Variants in KCTD20 observed in about 807,000 individuals in gnomAD.
KCTD20 encodes the protein potassium channel tetramerization domain containing 20.
A neutral mutation model predicts 39.6 loss-of-function variants in KCTD20; 30 were observed. The observed-to-expected ratio is 0.76, with a 90% CI of 0.57 to 1.03. The LOEUF (loss-of-function observed/expected upper bound fraction) is 1.03. Among genes scored for constraint, KCTD20 ranks in the 50% least tolerant of loss-of-function variants. KCTD20 has a pLI of 0.00. For missense variants in KCTD20, 422 were observed against 522.0 expected (o/e 0.81, Z 1.87); for synonymous variants, 162 against 180.6 (o/e 0.90, Z 0.83).
At chr6:36,484,958 G>T in intron 7 of KCTD20, 134 bp downstream of exon 7, 1 of 598,882 alleles carries the variant, frequency 1.7e-6, no homozygotes, top group Non-Finnish European at 3.0e-6. Flanking sequence ...AAGTTTGAAT[G>T]TTCCTGTTTT....
chr6:36,445,800 T>C (rs1400673158), intron 1 of KCTD20, among the ~76,000 whole-genome samples: 1 of 152,112 alleles, frequency 6.6e-6, no homozygotes, highest in Non-Finnish European at 1.5e-5. Flanking sequence ...AGAGAAATTA[T>C]AAGTAGATGG....
rs1044976910 is a variant in KCTD20, at chr6:36,489,208, C to CAGCTTATG, written c.*2034_*2041dup. Reference sequence around the variant, plus strand: ...ATAACTATGTATAACTTCTGTTACACAGCTTATGTATTGTTAACATTTAAG... The same window carrying CAGCTTATG: ...ATAACTATGTATAACTTCTGTTACACAGCTTATGAGCTTATGTATTGTTAACATTTAAG... On this transcript the variant is annotated 3_prime_UTR_variant, in exon 8 of 8. Transcript: ENST00000373731. The CAGCTTATG allele has an allele frequency of 1.3e-5, 2 of 152,760 alleles. No individual in the cohort carries two copies. Among genetic ancestry groups the CAGCTTATG allele is most frequent in the African/African-American group, 4.8e-5 (2 of 41,574 alleles). The allele number at this position is 152,760 out of a possible 1,614,324, so 9.5% of individuals were successfully genotyped here. A position where few individuals can be genotyped will look rare whatever the true frequency, so the allele number is the denominator to read the frequency against.
At chr6:36,444,408 G>A (rs1003650553) in intron 1 of KCTD20, among the ~76,000 whole-genome samples, 1 of 152,196 alleles carries the variant, frequency 6.6e-6, no homozygotes, top group African/African-American at 2.4e-5. Flanking sequence ...ACACGGGGTA[G>A]GAAATGATTT....
chr6:36,481,131 G>A (rs1442439264), intron 5 of KCTD20, among the ~76,000 whole-genome samples: 1 of 152,102 alleles, frequency 6.6e-6, no homozygotes, highest in Non-Finnish European at 1.5e-5. Flanking sequence ...TTTCTTTACT[G>A]AGTGTATTAC....
chr6:36,489,624 C>T lies in KCTD20; in HGVS notation c.*2449C>T, dbSNP rs1488417607. On this transcript the variant is annotated 3_prime_UTR_variant, in exon 8 of 8. Coordinates refer to ENST00000373731, the MANE Select transcript of KCTD20 (RefSeq NM_173562.5). ...GCCATTCTGCAAAAGCAGGACCTCA[C>T]AGAAACAAGGGCTGGGTTGAGGTCA... The T allele has an allele frequency of 2.0e-5, 3 of 152,248 alleles. No homozygotes were observed. Among genetic ancestry groups the T allele is most frequent in the Non-Finnish European group, 4.4e-5 (3 of 68,074 alleles). The allele number at this position is 152,248 out of a possible 1,614,324, so 9.4% of individuals were successfully genotyped here.
At chr6:36,456,454 T>C (rs980530834) in intron 1 of KCTD20, among the ~76,000 whole-genome samples, 1 of 152,082 alleles carries the variant, frequency 6.6e-6, no homozygotes, top group South Asian at 2.1e-4. Flanking sequence ...AATTTTTGTA[T>C]TTTTAGTAGA....
intron 2 of KCTD20, 25 bp from the exon 3 acceptor site, chr6:36,474,764 T>C: frequency 6.5e-7 from 1 of 1,531,278 alleles, no homozygotes; most frequent in South Asian, 1.3e-5. Flanking sequence ...TCAAGTTGTT[T>C]TGGTTTCTTT....
At chr6:36,483,697 G>A (rs190509214) in intron 6 of KCTD20, among the ~76,000 whole-genome samples, 474 of 151,518 alleles carry the variant, frequency 3.1e-3, no homozygotes, top group African/African-American at 6.9e-3. Context: ...TTTTAATTTT[G>A]TGTAGAAATG....
chr6:36,474,505 A>G (rs1776004668), intron 2 of KCTD20, among the ~76,000 whole-genome samples: 1 of 152,086 alleles, frequency 6.6e-6, no homozygotes, highest in Admixed American at 6.5e-5. Context: ...CCATATACAT[A>G]GTTTACTTTA....
At chr6:36,481,351 A>C (rs1269050697) in intron 5 of KCTD20, among the ~76,000 whole-genome samples, 1 of 152,208 alleles carries the variant, frequency 6.6e-6, no homozygotes, top group Non-Finnish European at 1.5e-5. Context: ...AGGATTATTA[A>C]ACATGAGTAA....
chr6:36,481,114 C>T (rs1046152581), intron 5 of KCTD20, among the ~76,000 whole-genome samples: 2 of 152,190 alleles, frequency 1.3e-5, no homozygotes, highest in Non-Finnish European at 2.9e-5. Flanking sequence ...AGCCCCTGTA[C>T]ATGTGATTTC....
In KCTD20 at chr6:36,487,366, T is replaced by C; in HGVS notation, c.*191T>C. On this transcript the variant is annotated 3_prime_UTR_variant, in exon 8 of 8. Transcript: ENST00000373731. The stretch of plus-strand genomic sequence containing the variant: ...TGGCAGGGGATGAAGAAGTACTCAC[T>C]GGTAATTAGCTACCATCTTTGCAGC... The C allele has an allele frequency of 1.7e-6, 1 of 600,306 alleles. No individual in the cohort carries two copies. 37.2% of individuals were successfully genotyped at this position (600,306 alleles called of 1,614,324 possible). A position where few individuals can be genotyped will look rare whatever the true frequency, so the allele number is the denominator to read the frequency against.
intron 1 of KCTD20, chr6:36,465,757 TAATAA>T (rs1219510570): frequency 6.6e-6 from 1 of 152,108 alleles, no homozygotes; most frequent in Non-Finnish European, 1.5e-5. Context: ...GTGAAATAAA[TAATAA>T]AATATATACT....
intron 1 of KCTD20, among the ~76,000 whole-genome samples, chr6:36,467,340 TTTTTTTTTTTTTTTTTG>T (rs1229383535): frequency 1.4e-5 from 1 of 72,436 alleles, no homozygotes; most frequent in African/African-American, 5.3e-5. Flanking sequence ...TTTTTTTTTT[TTTTTTTTTTTTTTTTTG>T]AGACGGAGTT....
chr6:36,474,056 ATTTTG>A (rs557495335), intron 2 of KCTD20, among the ~76,000 whole-genome samples: 284 of 152,154 alleles, frequency 1.9e-3, no homozygotes, highest in African/African-American at 5.0e-3. Context: ...GAAAAATAAA[ATTTTG>A]TTTTGTTTTG....
intron 2 of KCTD20, 125 bp downstream of exon 2, chr6:36,470,382 C>A: frequency 1.1e-6 from 1 of 876,978 alleles, no homozygotes; most frequent in Non-Finnish European, 1.7e-6. Context: ...GCTTGCATGT[C>A]ACAATTACAT....
chr6:36,480,141 A>G (rs1185971186), intron 5 of KCTD20, among the ~76,000 whole-genome samples: 1 of 152,142 alleles, frequency 6.6e-6, no homozygotes, highest in Non-Finnish European at 1.5e-5. Flanking sequence ...TAGGTTGAAA[A>G]TCTTCTGCAG....
At chr6:36,472,620 G>A (rs1303711420) in intron 2 of KCTD20, among the ~76,000 whole-genome samples, 1 of 151,832 alleles carries the variant, frequency 6.6e-6, no homozygotes, top group Non-Finnish European at 1.5e-5. Flanking sequence ...GTGATGGGGC[G>A]TATGTATTAT....
Position 36,490,218 on chromosome 6 carries a change from T to TGAGTC in KCTD20, c.*3043_*3044insGAGTC, listed in dbSNP as rs1554164781. Reference sequence around the variant, plus strand: ...AAAGTGGGATGTGGAGGATTTTTGTTAAGTGTCAATCGAAGTTAAAAAGCA... The same window carrying TGAGTC: ...AAAGTGGGATGTGGAGGATTTTTGTTGAGTCAAGTGTCAATCGAAGTTAAAAAGCA... On this transcript the variant is annotated 3_prime_UTR_variant, in exon 8 of 8. Coordinates refer to ENST00000373731, the MANE Select transcript of KCTD20 (RefSeq NM_173562.5). 1 of 151,864 alleles carries TGAGTC rather than the reference T, an allele frequency of 6.6e-6. No individual in the cohort carries two copies. Among genetic ancestry groups the TGAGTC allele is most frequent in the African/African-American group, 2.4e-5 (1 of 41,318 alleles). The allele number at this position is 151,864 out of a possible 1,614,324, so 9.4% of individuals were successfully genotyped here.
Sources: allele counts gnomAD v4.1 joint callset (sites outside exome capture counted in the v4.1 genomes callset), GRCh38; gene constraint gnomAD v4.1.1; transcripts MANE v1.5; gene names NCBI Gene and HGNC (gene_info 2026-07-23, HGNC 2026-07-21).